KCNQ5: variants seen among roughly 807,000 people sequenced by gnomAD.
KCNQ5 encodes potassium voltage-gated channel subfamily Q member 5, also known as potassium voltage-gated channel subfamily KQT member 5.
A neutral mutation model predicts 98.2 loss-of-function variants in KCNQ5; 30 were observed. The ratio of observed to expected loss-of-function variants is 0.31; its 90% CI spans 0.23 to 0.41. The LOEUF (loss-of-function observed/expected upper bound fraction) is 0.41, where lower values mean the gene tolerates loss of function less well. Among genes scored for constraint, KCNQ5 ranks in the 10% least tolerant of loss-of-function variants. The pLI is 1.00. For synonymous variants in KCNQ5, 458 were observed against 449.4 expected (o/e 1.02, Z -0.24); for missense variants, 835 against 1,182.5 (o/e 0.71, Z 4.31).
chr6:72,941,707 T>TTCTCC (rs1562082993), intron 1 of KCNQ5, among the ~76,000 whole-genome samples: 8 of 20,104 alleles, frequency 4.0e-4, no homozygotes, highest in Non-Finnish European at 5.1e-4. Flanking sequence ...TTTCTTTCTT[T>TTCTCC]CTTTCTTTCT....
At chr6:72,704,896 G>A (rs1157936148) in intron 1 of KCNQ5, among the ~76,000 whole-genome samples, 1 of 152,066 alleles carries the variant, frequency 6.6e-6, no homozygotes, top group Non-Finnish European at 1.5e-5. Context: ...TGTAAATTTT[G>A]TTATGCCCCC....
intron 3 of KCNQ5, among the ~76,000 whole-genome samples, chr6:73,068,303 T>A (rs1006112093): frequency 5.3e-5 from 8 of 151,952 alleles, no homozygotes; most frequent in Admixed American, 2.6e-4. Context: ...TCTCAAAAAA[T>A]AATAATAATA....
chr6:72,837,418 T>C (rs553241565), intron 1 of KCNQ5, among the ~76,000 whole-genome samples: 3 of 152,266 alleles, frequency 2.0e-5, no homozygotes, highest in African/African-American at 7.2e-5. Context: ...TTCTTAATTC[T>C]GAGCTCTTCA....
intron 1 of KCNQ5, among the ~76,000 whole-genome samples, chr6:72,906,681 G>T (rs1779712330): frequency 6.6e-6 from 1 of 152,234 alleles, no homozygotes; most frequent in African/African-American, 2.4e-5. Context: ...CCCCAGTGGG[G>T]ATGTGTGTTC....
intron 1 of KCNQ5, among the ~76,000 whole-genome samples, chr6:72,624,732 C>T (rs915460577): frequency 3.9e-5 from 6 of 152,148 alleles, no homozygotes; most frequent in Admixed American, 6.5e-5. Context: ...GAGTCTGAAA[C>T]TGCAATGCCT....
intron 1 of KCNQ5, among the ~76,000 whole-genome samples, chr6:72,782,091 T>C (rs1445432653): frequency 1.3e-5 from 2 of 152,200 alleles, no homozygotes; most frequent in African/African-American, 4.8e-5. Flanking sequence ...TTTTGACATG[T>C]CACTTACATT....
chr6:72,792,529 G>C (rs1250492151), intron 1 of KCNQ5, among the ~76,000 whole-genome samples: 2 of 152,152 alleles, frequency 1.3e-5, no homozygotes. Flanking sequence ...TCATAAAACA[G>C]AGCATTTCAG....
chr6:72,673,725 T>A (rs780899746), intron 1 of KCNQ5, among the ~76,000 whole-genome samples: 10 of 152,200 alleles, frequency 6.6e-5, no homozygotes, highest in Admixed American at 1.3e-4. Context: ...GGCATTGTTA[T>A]CCTTTATCCT....
chr6:73,025,623 C>CAAAAAAAAAAAAAAAAAAAA (rs58607159), intron 2 of KCNQ5, among the ~76,000 whole-genome samples: 27 of 53,000 alleles, frequency 5.1e-4, no homozygotes, highest in Non-Finnish European at 8.8e-4. Context: ...AACTCCATCT[C>CAAAAAAAAAAAAAAAAAAAA]AAAAAAAAAA....
At chr6:73,091,640 C>G (rs1774252632) in intron 5 of KCNQ5, among the ~76,000 whole-genome samples, 1 of 152,054 alleles carries the variant, frequency 6.6e-6, no homozygotes, top group African/African-American at 2.4e-5. Flanking sequence ...TATTTTTATA[C>G]CAATACCATG....
chr6:72,699,777 T>A (rs1768700505), intron 1 of KCNQ5, among the ~76,000 whole-genome samples: 1 of 152,228 alleles, frequency 6.6e-6, no homozygotes, highest in Non-Finnish European at 1.5e-5. Context: ...TTTGAAAATG[T>A]AGCATAATAC....
At chr6:72,707,514 T>C (rs915598238) in intron 1 of KCNQ5, among the ~76,000 whole-genome samples, 6 of 152,194 alleles carry the variant, frequency 3.9e-5, no homozygotes, top group African/African-American at 1.4e-4. Context: ...TTGAAATGCA[T>C]AATATTGAAA....
chr6:72,914,885 GC>G (rs1780071801), intron 1 of KCNQ5, among the ~76,000 whole-genome samples: 1 of 151,800 alleles, frequency 6.6e-6, no homozygotes, highest in Non-Finnish European at 1.5e-5. Context: ...AAGAATGCAG[GC>G]CCAGCAAGTC....
intron 1 of KCNQ5, among the ~76,000 whole-genome samples, chr6:72,838,263 C>T (rs1776603625): frequency 6.6e-6 from 1 of 151,782 alleles, no homozygotes; most frequent in Non-Finnish European, 1.5e-5. Flanking sequence ...TTGAATACTT[C>T]CTTTGCTTCT....
chr6:73,192,507 G>T, intron 12 of KCNQ5, 58 bp from the exon 13 acceptor site: 2 of 1,465,604 alleles, frequency 1.4e-6, no homozygotes, highest in South Asian at 1.6e-5. Context: ...TCTTCATTCT[G>T]ACCTAGGGCA....
intron 1 of KCNQ5, among the ~76,000 whole-genome samples, chr6:72,655,046 TTC>T (rs1402130122): frequency 6.8e-6 from 1 of 145,998 alleles, no homozygotes; most frequent in Non-Finnish European, 1.5e-5. Context: ...CTTTCTTTCT[TTC>T]TTTCTTTCTT....
chr6:73,038,781 T>C (rs1291213467), intron 2 of KCNQ5, among the ~76,000 whole-genome samples: 1 of 152,076 alleles, frequency 6.6e-6, no homozygotes, highest in Non-Finnish European at 1.5e-5. Flanking sequence ...AAGTTTATGA[T>C]AAATATGGGT....
intron 5 of KCNQ5, among the ~76,000 whole-genome samples, chr6:73,090,925 G>C (rs1204802071): frequency 6.6e-6 from 1 of 152,094 alleles, no homozygotes; most frequent in Non-Finnish European, 1.5e-5. Context: ...AACTCCTCAA[G>C]GATCTAGAAC....
chr6:73,055,846 G>A, intron 3 of KCNQ5: 1 of 697,634 alleles, frequency 1.4e-6, no homozygotes, highest in African/African-American at 1.8e-5. Flanking sequence ...CCAGGGCAAA[G>A]CCAAGAAGTG....
Sources: gnomAD v4.1 joint callset for allele counts (sites outside exome capture counted in the v4.1 genomes callset) on GRCh38, gnomAD v4.1.1 for gene constraint, MANE v1.5 for transcripts, NCBI Gene and HGNC (gene_info 2026-07-23, HGNC 2026-07-21) for gene names.